RHOA: variants seen among roughly 807,000 people sequenced by gnomAD.
RHOA encodes ras homolog family member A.
Under a neutral mutation model 17.5 loss-of-function variants are expected in RHOA, and 3 were observed. The observed-to-expected ratio is 0.17, with a 90% CI of 0.08 to 0.44. RHOA has a LOEUF of 0.44. Ranked by LOEUF, RHOA falls within the 20% of genes least tolerant of loss-of-function variation. The probability of loss-of-function intolerance (pLI) is 0.99; values close to 1 mark genes in which losing one functional copy is unlikely to be tolerated. For synonymous variants in RHOA, 98 were observed against 88.4 expected (o/e 1.11, Z -0.61); for missense variants, 56 against 242.3 (o/e 0.23, Z 5.10).
chr3:49,411,204 T>C (rs895800950), intron 1 of RHOA, among the ~76,000 whole-genome samples: 2 of 152,092 alleles, frequency 1.3e-5, no homozygotes, highest in African/African-American at 4.8e-5. Flanking sequence ...CCCAAAGCTT[T>C]CAGACGAGTT....
intron 1 of RHOA, among the ~76,000 whole-genome samples, chr3:49,404,433 A>AAAACACACACACACACACACACAC (rs1553636257): frequency 5.5e-5 from 5 of 90,758 alleles, no homozygotes; most frequent in African/African-American, 1.6e-4. Flanking sequence ...TCTCTAGTAA[A>AAAACACACACACACACACACACAC]ACACACACAC....
chr3:49,409,895 C>CTAAATA (rs1212824110), intron 1 of RHOA, among the ~76,000 whole-genome samples: 1 of 152,076 alleles, frequency 6.6e-6, no homozygotes, highest in East Asian at 1.9e-4. Flanking sequence ...TTAGCCTGAC[C>CTAAATA]TAAATATCTT....
At chr3:49,400,218 A>C (rs2048699963) in intron 1 of RHOA, among the ~76,000 whole-genome samples, 2 of 9,978 alleles carry the variant, frequency 2.0e-4, no homozygotes, top group East Asian at 0.045. Context: ...TCTCAAAAAA[A>C]AAAAAAAACA....
intron 1 of RHOA, among the ~76,000 whole-genome samples, chr3:49,376,426 G>C (rs570861366): frequency 2.7e-5 from 4 of 147,492 alleles, no homozygotes; most frequent in African/African-American, 1.0e-4. Flanking sequence ...GGTGGATCAC[G>C]AGGTCAGGAG....
intron 1 of RHOA, among the ~76,000 whole-genome samples, chr3:49,397,475 T>C (rs1392024483): frequency 6.6e-6 from 1 of 152,152 alleles, no homozygotes; most frequent in Non-Finnish European, 1.5e-5. Flanking sequence ...ATGAATTATA[T>C]CTCAGTAAAA....
chr3:49,369,173 G>A (rs891262921), intron 2 of RHOA, among the ~76,000 whole-genome samples: 5 of 149,156 alleles, frequency 3.4e-5, no homozygotes, highest in East Asian at 4.0e-4. Flanking sequence ...ACAGGCGCCC[G>A]CCACCACGCT....
chr3:49,375,886 C>T (rs555735884), intron 1 of RHOA, among the ~76,000 whole-genome samples: 62 of 152,074 alleles, frequency 4.1e-4, no homozygotes, highest in Admixed American at 8.5e-4. Flanking sequence ...CTCACTCTGT[C>T]GCCCAGGCTG....
chr3:49,382,781 G>T (rs72922915), intron 1 of RHOA, among the ~76,000 whole-genome samples: 5,619 of 152,230 alleles, frequency 0.037, 351 homozygotes, highest in African/African-American at 0.13. Context: ...TGCTTTGGCC[G>T]AGTGTGCTGG....
At chr3:49,390,032 G>C (rs1231556666) in intron 1 of RHOA, among the ~76,000 whole-genome samples, 1 of 151,716 alleles carries the variant, frequency 6.6e-6, no homozygotes, top group African/African-American at 2.4e-5. Flanking sequence ...AAGCAAATCA[G>C]TTTCACAAAA....
At position 49,359,318 on chromosome 3, in the gene RHOA, T is replaced by C. The variant is rs3448; in HGVS notation, c.*891A>G. The C allele has an allele frequency of 0.77, 147,220 of 191,826 alleles. 57,056 individuals are homozygous for C. Among genetic ancestry groups the C allele is most frequent in the East Asian group, 1 (12,013 of 12,062 alleles). The allele number at this position is 191,826 out of a possible 1,614,324, so 11.9% of individuals were successfully genotyped here. On this transcript the variant is annotated 3_prime_UTR_variant, in exon 5 of 5. Coordinates refer to ENST00000418115, the MANE Select transcript of RHOA (RefSeq NM_001664.4). ...AAGAGCACTGTGAATTAGAGCCAGA[T>C]GCTTAAGTCCAGGTGAGACAGGTTA...
chr3:49,404,039 C>T (rs143433910), intron 1 of RHOA, among the ~76,000 whole-genome samples: 128 of 151,968 alleles, frequency 8.4e-4, no homozygotes, highest in Middle Eastern at 6.8e-3. Context: ...GTGGCTCATG[C>T]CCGTACTTGC....
intron 1 of RHOA, among the ~76,000 whole-genome samples, chr3:49,411,061 C>T (rs979559367): frequency 6.6e-6 from 1 of 152,208 alleles, no homozygotes; most frequent in African/African-American, 2.4e-5. Context: ...TTAGATCATT[C>T]CTAATCAATA....
chr3:49,359,532 T>C lies in RHOA; in HGVS notation c.*677A>G, dbSNP rs574460264. 6.0e-5 allele frequency: 12 copies of C among 201,282 alleles called. No homozygotes were observed. In the South Asian group the frequency reaches 1.5e-3, roughly 26 times the overall value. The allele number at this position is 201,282 out of a possible 1,614,324, so 12.5% of individuals were successfully genotyped here. A position where few individuals can be genotyped will look rare whatever the true frequency, so the allele number is the denominator to read the frequency against. ...TCTGACTTTATTTCCAAATACACTT[T>C]CTTTTTTAAAAAACCAATACACTTT... On this transcript the variant is annotated 3_prime_UTR_variant, in exon 5 of 5. Transcript: ENST00000418115.
chr3:49,396,316 G>A (rs2048615499), intron 1 of RHOA, among the ~76,000 whole-genome samples: 1 of 152,128 alleles, frequency 6.6e-6, no homozygotes, highest in East Asian at 1.9e-4. Flanking sequence ...GCTCACGCCT[G>A]TAATCCCAGC....
chr3:49,391,215 CAAAA>C (rs1369392165), intron 1 of RHOA, among the ~76,000 whole-genome samples: 1 of 77,816 alleles, frequency 1.3e-5, no homozygotes, highest in Non-Finnish European at 2.6e-5. Flanking sequence ...AACGCCGTCT[CAAAA>C]AAAAAAAAAA....
At chr3:49,369,322 C>T (rs1035821435) in intron 2 of RHOA, among the ~76,000 whole-genome samples, 9 of 151,716 alleles carry the variant, frequency 5.9e-5, no homozygotes, top group Non-Finnish European at 1.3e-4. Flanking sequence ...CACACCCGGC[C>T]GAGTATTCAC....
chr3:49,367,681 C>T (rs1211635500), intron 3 of RHOA, among the ~76,000 whole-genome samples: 1 of 151,632 alleles, frequency 6.6e-6, no homozygotes, highest in Non-Finnish European at 1.5e-5. Context: ...GCCACCACAC[C>T]CAGCTAATTT....
intron 1 of RHOA, among the ~76,000 whole-genome samples, chr3:49,386,845 G>C (rs2048403413): frequency 6.6e-6 from 1 of 152,100 alleles, no homozygotes; most frequent in African/African-American, 2.4e-5. Context: ...GGGCGTGGCA[G>C]CTCACGCCTG....
chr3:49,371,702 A>G (rs1028641414), intron 2 of RHOA, among the ~76,000 whole-genome samples: 1 of 152,186 alleles, frequency 6.6e-6, no homozygotes, highest in Non-Finnish European at 1.5e-5. Context: ...AAACACTTTT[A>G]TTCCAGGGGA....
Sources: gnomAD v4.1 joint callset for allele counts (sites outside exome capture counted in the v4.1 genomes callset) on GRCh38, gnomAD v4.1.1 for gene constraint, MANE v1.5 for transcripts, NCBI Gene and HGNC (gene_info 2026-07-23, HGNC 2026-07-21) for gene names.